The following LIPA variants were observed in gnomAD, a reference collection of about 807,000 sequenced individuals.
LIPA encodes lysosomal acid lipase/cholesteryl ester hydrolase.
In LIPA, 26 loss-of-function variants were observed where a neutral mutation model predicts 40.6. The observed-to-expected ratio is 0.64, with a 90% confidence interval of 0.47 to 0.89. LIPA has a LOEUF of 0.89. LIPA is among the 40% of genes least tolerant of loss of function. The pLI is 0.00. For missense variants in LIPA, 455 were observed against 479.6 expected (o/e 0.95, Z 0.48); for synonymous variants, 188 against 168.4 (o/e 1.12, Z -0.90).
upstream of LIPA, among the ~76,000 whole-genome samples, chr10:89,256,025 T>C (rs1843179188): frequency 6.6e-6 from 1 of 152,202 alleles, no homozygotes; most frequent in African/African-American, 2.4e-5. Flanking sequence ...GAGACACTAC[T>C]CATGGCCAAG....
intron 1 of LIPA, among the ~76,000 whole-genome samples, chr10:89,288,329 T>C (rs1843352557): frequency 6.6e-6 from 1 of 152,178 alleles, no homozygotes; most frequent in African/African-American, 2.4e-5. Context: ...CAAACCTAGC[T>C]GACCCCATAG....
chr10:89,338,116 G>A (rs1447078957), intron 1 of LIPA: 1 of 152,306 alleles, frequency 6.6e-6, no homozygotes, highest in African/African-American at 2.4e-5. Flanking sequence ...AATTTATGAT[G>A]GGTTTATCAG....
chr10:89,295,778 CTCTT>C (rs1843409797), intron 1 of LIPA, among the ~76,000 whole-genome samples: 1 of 152,224 alleles, frequency 6.6e-6, no homozygotes, highest in Non-Finnish European at 1.5e-5. Context: ...TTAGGCAGAA[CTCTT>C]TCTAATAAGT....
At chr10:89,270,127 T>C (rs1843257427) in intron 1 of LIPA, among the ~76,000 whole-genome samples, 1 of 152,246 alleles carries the variant, frequency 6.6e-6, no homozygotes, top group Non-Finnish European at 1.5e-5. Context: ...TTGGAGAAAG[T>C]TGACACATTC....
At chr10:89,344,714 AG>A (rs975614589), upstream of LIPA, among the ~76,000 whole-genome samples, 18 of 152,158 alleles carry the variant, frequency 1.2e-4, no homozygotes, top group African/African-American at 4.3e-4. Flanking sequence ...CACCCCTCAA[AG>A]GGAAACACTT....
chr10:89,381,960 G>C (rs1007698684), intron 2 of LIPA, among the ~76,000 whole-genome samples: 1 of 151,848 alleles, frequency 6.6e-6, no homozygotes, highest in African/African-American at 2.4e-5. Flanking sequence ...AGTAGAGATG[G>C]GGTTTCACCA....
At chr10:89,231,604 A>G (rs1016002957) in intron 3 of LIPA, among the ~76,000 whole-genome samples, 4 of 152,168 alleles carry the variant, frequency 2.6e-5, no homozygotes, top group Non-Finnish European at 5.9e-5. Flanking sequence ...CCCCTGAAGA[A>G]CTGGGATTAC....
At chr10:89,324,877 A>G (rs1037721625) in intron 1 of LIPA, among the ~76,000 whole-genome samples, 3 of 152,186 alleles carry the variant, frequency 2.0e-5, no homozygotes, top group Non-Finnish European at 2.9e-5. Flanking sequence ...TTATGGATGC[A>G]TTGTATTCCA....
intron 2 of LIPA, among the ~76,000 whole-genome samples, chr10:89,376,145 G>A (rs567248756): frequency 2.1e-4 from 29 of 141,180 alleles, no homozygotes; most frequent in African/African-American, 6.9e-4. Flanking sequence ...CAGAGATAGT[G>A]CCACTGTACT....
At chr10:89,412,716 C>T (rs1841483397) in intron 2 of LIPA, 1 of 432,564 alleles carries the variant, frequency 2.3e-6, no homozygotes, top group African/African-American at 2.1e-5. Context: ...CCGGACGCGC[C>T]ACCTTTAAGA....
chr10:89,338,813 T>C, intron 1 of LIPA: 4 of 1,614,130 alleles, frequency 2.5e-6, no homozygotes, highest in East Asian at 2.2e-5. Context: ...AAAGCTACAA[T>C]GTACAACTTG....
rs377250455 is a variant in LIPA, at chr10:89,226,882, T to C, written c.538+13A>G. ...GAATTTATATCAACTTCTGATCTTA[T>C]TTACATACATACCTATAGTGGTGCC... is the stretch of plus-strand genomic sequence containing the variant. On this transcript the variant is annotated intron_variant, in intron 5 of 9. Coordinates refer to ENST00000336233, the MANE Select transcript of LIPA (RefSeq NM_000235.4). 3 of 1,391,318 alleles carry C rather than the reference T, an allele frequency of 2.2e-6. No individual in the cohort carries two copies. The African/African-American group carries it at 4.3e-5, about 20-fold the overall frequency. The allele number at this position is 1,391,318 out of a possible 1,614,324, so 86.2% of individuals were successfully genotyped here. A position where few individuals can be genotyped will look rare whatever the true frequency, so the allele number is the denominator to read the frequency against.
At chr10:89,261,999 G>A (rs1247953261) in intron 1 of LIPA, among the ~76,000 whole-genome samples, 3 of 152,096 alleles carry the variant, frequency 2.0e-5, no homozygotes, top group Non-Finnish European at 1.5e-5. Flanking sequence ...CATGGGAAGG[G>A]GTATGTGATC....
chr10:89,332,059 C>T (rs941899595), intron 1 of LIPA, among the ~76,000 whole-genome samples: 5 of 152,072 alleles, frequency 3.3e-5, no homozygotes, highest in East Asian at 3.9e-4. Flanking sequence ...GGTGAAACCC[C>T]GCCTCTACTA....
rs1842595279 is a variant in LIPA at position 89,214,587 on chromosome 10, A to G, written c.*241T>C. The G allele has an allele frequency of 2.2e-6, 1 of 464,594 alleles. No individual in the cohort carries two copies. The highest frequency in any genetic ancestry group is 2.0e-5 in the African/African-American group (1 of 51,150). The allele number at this position is 464,594 out of a possible 1,614,324, so 28.8% of individuals were successfully genotyped here. On this transcript the variant is annotated 3_prime_UTR_variant, in exon 10 of 10. Coordinates refer to ENST00000336233, the MANE Select transcript of LIPA (RefSeq NM_000235.4). The stretch of plus-strand genomic sequence containing the variant: ...CACATCAGTGATATTTAAAAGACTT[A>G]AAGAGACAATACTATGGTTGAGACA...
At chr10:89,235,153 T>C (rs1170929616) in intron 3 of LIPA, among the ~76,000 whole-genome samples, 2 of 152,114 alleles carry the variant, frequency 1.3e-5, no homozygotes, top group Non-Finnish European at 2.9e-5. Context: ...TGGAGGGGGA[T>C]AGGGAATGAA....
chr10:89,240,149 A>G (rs967771662), intron 3 of LIPA, among the ~76,000 whole-genome samples: 1 of 152,236 alleles, frequency 6.6e-6, no homozygotes, highest in African/African-American at 2.4e-5. Context: ...ACATAGTTCT[A>G]TGACATTTCT....
Position 89,308,791 on chromosome 10 carries a change from CA to C in LIPA, c.-2+33819del, listed in dbSNP as rs1349640199. 2.5e-4 allele frequency: 38 copies of C among 152,182 alleles called. 1 individual carries two copies. Among genetic ancestry groups the C allele is most frequent in the Admixed American group, 2.4e-3 (36 of 15,276 alleles). 9.4% of individuals were successfully genotyped at this position (152,182 alleles called of 1,614,324 possible). A position where few individuals can be genotyped will look rare whatever the true frequency, so the allele number is the denominator to read the frequency against. On this transcript the variant is annotated intron_variant, in intron 1 of 5. Coordinates refer to the LIPA transcript ENST00000282673. ...AAGTTAAAAATTCTAACCACTGTAA[CA>C]ACAGTTTTTGTGTTATTTTCTGTAT...
intron 5 of LIPA, 150 bp from the exon 6 acceptor site, chr10:89,225,378 G>C (rs1842756686): frequency 2.2e-6 from 2 of 914,322 alleles, no homozygotes; most frequent in Non-Finnish European, 3.6e-6. Flanking sequence ...ACTTGACATG[G>C]GGCACTCTGA....
Sources: allele counts gnomAD v4.1 joint callset (sites outside exome capture counted in the v4.1 genomes callset), GRCh38; gene constraint gnomAD v4.1.1; transcripts MANE v1.5; gene names NCBI Gene and HGNC (gene_info 2026-07-23, HGNC 2026-07-21).